The following MCF2L2 variants were observed in gnomAD, a reference collection of about 807,000 sequenced individuals.
MCF2L2 encodes MCF.2 cell line derived transforming sequence-like 2, also known as probable guanine nucleotide exchange factor MCF2L2.
A neutral mutation model predicts 150.2 loss-of-function variants in MCF2L2; 102 were observed. The observed-to-expected ratio is 0.68, with a 90% CI of 0.58 to 0.80. The LOEUF is 0.80. Ranked by LOEUF, MCF2L2 falls within the 30% of genes least tolerant of loss-of-function variation. MCF2L2 has a pLI of 0.00. For missense variants in MCF2L2, 1,256 were observed against 1,372.8 expected (o/e 0.91, Z 1.34); for synonymous variants, 465 against 491.3 (o/e 0.95, Z 0.71).
chr3:183,252,571 A>C (rs1011522406), intron 15 of MCF2L2, among the ~76,000 whole-genome samples: 1 of 152,170 alleles, frequency 6.6e-6, no homozygotes, highest in African/African-American at 2.4e-5. Context: ...GCTGGTCTCT[A>C]ACTCCTGGGA....
At chr3:183,341,814 G>A (rs905943309) in intron 3 of MCF2L2, among the ~76,000 whole-genome samples, 184 bp from the exon 4 acceptor site, 1 of 152,188 alleles carries the variant, frequency 6.6e-6, no homozygotes, top group South Asian at 2.1e-4. Flanking sequence ...TAGATACTTT[G>A]TTTCTCAGAC....
chr3:183,421,204 T>C (rs1008473937), intron 1 of MCF2L2, among the ~76,000 whole-genome samples: 5 of 152,232 alleles, frequency 3.3e-5, no homozygotes, highest in African/African-American at 7.2e-5. Flanking sequence ...TGATGTACAA[T>C]GTTTTTCATC....
intron 14 of MCF2L2, among the ~76,000 whole-genome samples, chr3:183,277,844 AATATAT>A (rs1389038823): frequency 6.6e-6 from 1 of 151,482 alleles, no homozygotes. Flanking sequence ...AGTTCCCTCT[AATATAT>A]ATATCTGACT....
At chr3:183,324,270 A>T (rs1446665565) in intron 5 of MCF2L2, among the ~76,000 whole-genome samples, 1 of 152,194 alleles carries the variant, frequency 6.6e-6, no homozygotes, top group African/African-American at 2.4e-5. Flanking sequence ...TCACACATCC[A>T]GAGGAAGCTG....
At chr3:183,228,498 T>TTA in intron 17 of MCF2L2, 132 bp from the exon 18 acceptor site, 6 of 580,378 alleles carry the variant, frequency 1.0e-5, no homozygotes, top group South Asian at 2.4e-5. Flanking sequence ...TGCTCTTATC[T>TTA]TCTACACATT....
At position 183,217,294 on chromosome 3, in the gene MCF2L2, CAAAAAAAAAAAAA is replaced by C. The variant is rs35973262; in HGVS notation, c.2371-1213_2371-1201del. Among the ~76,000 whole-genome samples the C allele has an allele frequency of 6.6e-3, 101 of 15,206 alleles. 1 individual carries two copies. The highest frequency in any genetic ancestry group is 0.022 in the African/African-American group (92 of 4,092). The allele number at this position is 15,206 out of a possible 152,430, so 10.0% of individuals were successfully genotyped here. Reference sequence around the variant, plus strand: ...GGGTAACAAGAGTGAAACCCCGTCTCAAAAAAAAAAAAAAAAAAAAAAAAAAAAGTAGCTGGGT... The same window carrying C: ...GGGTAACAAGAGTGAAACCCCGTCTCAAAAAAAAAAAAAAAGTAGCTGGGT... On this transcript the variant is annotated intron_variant, in intron 21 of 29. Transcript: ENST00000328913.
chr3:183,189,618 A>G (rs1287675607), intron 27 of MCF2L2, among the ~76,000 whole-genome samples: 1 of 152,024 alleles, frequency 6.6e-6, no homozygotes, highest in Non-Finnish European at 1.5e-5. Context: ...AGCAGTTACC[A>G]TACTGGAAGG....
intron 15 of MCF2L2, chr3:183,265,817 G>A (rs1281025104): frequency 6.6e-6 from 1 of 150,768 alleles, no homozygotes; most frequent in East Asian, 1.9e-4. Context: ...TATTATCAGT[G>A]AGATCTGGTT....
chr3:183,280,809 C>T (rs1727425351), intron 14 of MCF2L2, among the ~76,000 whole-genome samples: 2 of 148,950 alleles, frequency 1.3e-5, no homozygotes, highest in Admixed American at 1.3e-4. Context: ...GATCACGCCA[C>T]TGCACTCCAG....
At chr3:183,406,035 C>G (rs532421801) in intron 1 of MCF2L2, among the ~76,000 whole-genome samples, 46 of 152,238 alleles carry the variant, frequency 3.0e-4, no homozygotes, top group African/African-American at 1.1e-3. Context: ...CTAGGTTTTA[C>G]TGATTAAGAA....
At chr3:183,424,662 C>T (rs770328734) in intron 1 of MCF2L2, among the ~76,000 whole-genome samples, 2 of 152,022 alleles carry the variant, frequency 1.3e-5, no homozygotes, top group Non-Finnish European at 2.9e-5. Flanking sequence ...GGGCACAATG[C>T]GAGCAGAACA....
chr3:183,388,235 T>C (rs1343844019), intron 2 of MCF2L2, among the ~76,000 whole-genome samples: 1 of 152,226 alleles, frequency 6.6e-6, no homozygotes. Flanking sequence ...GCCAGAATCA[T>C]GCATTGAGGC....
Position 183,205,889 on chromosome 3 carries a change from T to C in MCF2L2, c.2871A>G (p.Gln957=). ...SEISKLLMEQ[Q]NNIKDQGNPQ... is the part of the protein sequence containing the mutation. ...GGGGTAACCTACCTTTGATATTATT[T>C]TGTTGTTCCATCAATAATTTACTTA... The change falls in exon 25 of 30, where the codon CAA becomes CAG. Residue 957 remains glutamine, a synonymous_variant. Transcript: ENST00000328913. 6.2e-7 allele frequency: 1 copy of C among 1,613,682 alleles called. No homozygotes were observed. The highest frequency in any genetic ancestry group is 8.5e-7 in the Non-Finnish European group (1 of 1,179,570).
At chr3:183,213,065 T>G (rs891451875) in intron 22 of MCF2L2, among the ~76,000 whole-genome samples, 3 of 152,064 alleles carry the variant, frequency 2.0e-5, no homozygotes, top group Non-Finnish European at 4.4e-5. Flanking sequence ...AAGAGGAAAC[T>G]GAAATAGAAA....
At chr3:183,219,440 G>A (rs551213080) in intron 21 of MCF2L2, among the ~76,000 whole-genome samples, 85 of 152,070 alleles carry the variant, frequency 5.6e-4, no homozygotes, top group African/African-American at 7.2e-4. Context: ...GCGAAACCCC[G>A]TCTCTACTAA....
chr3:183,205,285 G>A (rs1335779642), intron 25 of MCF2L2, among the ~76,000 whole-genome samples: 3 of 152,150 alleles, frequency 2.0e-5, no homozygotes, highest in Admixed American at 6.5e-5. Context: ...GCTGAGGCAG[G>A]AGAATCACTT....
At chr3:183,361,009 A>G (rs1577091351) in intron 3 of MCF2L2, among the ~76,000 whole-genome samples, 27 of 131,970 alleles carry the variant, frequency 2.0e-4, no homozygotes, top group East Asian at 6.4e-4. Context: ...AAAAGAAAAG[A>G]AAAGAAAAGA....
chr3:183,358,112 A>AC (rs1236453953), intron 3 of MCF2L2, among the ~76,000 whole-genome samples: 1 of 151,942 alleles, frequency 6.6e-6, no homozygotes, highest in Non-Finnish European at 1.5e-5. Context: ...AGATGGTGAA[A>AC]CCCCTTCTCT....
At chr3:183,385,459 G>A (rs1415999578) in intron 2 of MCF2L2, among the ~76,000 whole-genome samples, 1 of 152,128 alleles carries the variant, frequency 6.6e-6, no homozygotes, top group Non-Finnish European at 1.5e-5. Flanking sequence ...GGGCTTCATT[G>A]GTGTGTATGA....
Sources: gnomAD v4.1 joint callset for allele counts (sites outside exome capture counted in the v4.1 genomes callset) on GRCh38, gnomAD v4.1.1 for gene constraint, MANE v1.5 for transcripts, NCBI Gene and HGNC (gene_info 2026-07-23, HGNC 2026-07-21) for gene names.